LZTFL1: variants seen among roughly 807,000 people sequenced by gnomAD.
LZTFL1 encodes the protein leucine zipper transcription factor like 1.
In LZTFL1, 25 loss-of-function variants were observed where a neutral mutation model predicts 45.9. The observed-to-expected ratio is 0.54, with a 90% CI of 0.40 to 0.76. LZTFL1 has a LOEUF of 0.76. Among genes scored for constraint, LZTFL1 ranks in the 30% least tolerant of loss-of-function variants. LZTFL1 has a pLI of 0.00. For missense variants in LZTFL1, 277 were observed against 331.1 expected (o/e 0.84, Z 1.27); for synonymous variants, 93 against 117.4 (o/e 0.79, Z 1.35).
intron 2 of LZTFL1, among the ~76,000 whole-genome samples, chr3:45,872,775 T>TA (rs1701689846): frequency 2.0e-5 from 3 of 152,308 alleles, no homozygotes; most frequent in African/African-American, 7.2e-5. Flanking sequence ...GGCTGTGGTC[T>TA]CCTCTCAGGC....
At chr3:45,834,146 G>A (rs142122366) in intron 4 of LZTFL1, 92 bp downstream of exon 4, 2 of 678,774 alleles carry the variant, frequency 2.9e-6, no homozygotes, top group African/African-American at 3.6e-5. Flanking sequence ...TTCCTTAAGA[G>A]TTCTCAGTTT....
intron 1 of LZTFL1, chr3:45,841,706 G>A (rs1476547290): frequency 1.8e-6 from 1 of 567,270 alleles, no homozygotes; most frequent in Admixed American, 3.0e-5. Context: ...TGCCACCTAA[G>A]AGTTGTGCCT....
At position 45,901,938 on chromosome 3, in the gene LZTFL1, G is replaced by A; in HGVS notation, c.-215+11182C>T. On this transcript the variant is annotated intron_variant, in intron 2 of 4. Transcript: ENST00000472635. This position sits in a 1 kb window ranked among gnomAD's most constrained non-coding sequence, Gnocchi z 4.3. ...GGTGCATGGTTCTTTTGGAAGAAAT[G>A]AGAAATACAGAAACAGTTTCCCCAC... 1 of 1,501,148 alleles carries A rather than the reference G, an allele frequency of 6.7e-7. No individual in the cohort carries two copies. Among genetic ancestry groups the A allele is most frequent in the South Asian group, 1.3e-5 (1 of 75,070 alleles). The allele number at this position is 1,501,148 out of a possible 1,614,324, so 93.0% of individuals were successfully genotyped here.
At position 45,901,215 on chromosome 3, in the gene LZTFL1, G is replaced by C. The variant is rs1702544054; in HGVS notation, c.-215+11905C>G. 6.2e-7 allele frequency: 1 copy of C among 1,614,176 alleles called. No homozygotes were observed. Among genetic ancestry groups the C allele is most frequent in the Non-Finnish European group, 8.5e-7 (1 of 1,180,002 alleles). On this transcript the variant is annotated intron_variant, in intron 2 of 4. Transcript: ENST00000472635. This position sits in a 1 kb window ranked among gnomAD's most constrained non-coding sequence, Gnocchi z 4.3. ...GTTGCTGATCATGTGCATCAGCGTG[G>C]ACAGGTACATTGCCATTGCCCAGGC...
chr3:45,898,039 T>C (rs949701431), intron 2 of LZTFL1, among the ~76,000 whole-genome samples: 2 of 149,084 alleles, frequency 1.3e-5, no homozygotes, highest in African/African-American at 4.9e-5. Context: ...AAAAAAAAAC[T>C]TCAAAAGCAA....
In LZTFL1 at chr3:45,901,794, G is replaced by T. The variant is rs1702568512; in HGVS notation, c.-215+11326C>A. On this transcript the variant is annotated intron_variant, in intron 2 of 4. Transcript: ENST00000472635. This position sits in a 1 kb window ranked among gnomAD's most constrained non-coding sequence, Gnocchi z 4.3. ...TCTCGTGAAAACCCTGAAGAACTTG[G>T]GTTGCATCAGCCAGGCCCAGTGGGT... The T allele has an allele frequency of 1.2e-6, 2 of 1,614,170 alleles. No homozygotes were observed. The highest frequency in any genetic ancestry group is 1.3e-5 in the African/African-American group (1 of 75,046).
At chr3:45,833,970 TGAGTA>T (rs994771095) in intron 4 of LZTFL1, among the ~76,000 whole-genome samples, 6 of 152,338 alleles carry the variant, frequency 3.9e-5, no homozygotes, top group Non-Finnish European at 8.8e-5. Context: ...CTGAATCTTC[TGAGTA>T]GAGTATTTAT....
At chr3:45,879,025 T>C (rs879141965) in intron 2 of LZTFL1, among the ~76,000 whole-genome samples, 6 of 152,318 alleles carry the variant, frequency 3.9e-5, no homozygotes, top group African/African-American at 1.4e-4. Context: ...ATGCTGGTAA[T>C]GATATGGAGC....
Position 45,848,029 on chromosome 3 carries a change from A to G in LZTFL1, c.-49+6957T>C, listed in dbSNP as rs138761144. ...TAAAGCCAAACCTCTTTCTAAAATT[A>G]TCGACCCATCCTTTGCTGGCACTAA... is the stretch of plus-strand genomic sequence containing the variant. On this transcript the variant is annotated intron_variant, in intron 4 of 4. Transcript: ENST00000472635. 2.4e-3 allele frequency among the ~76,000 whole-genome samples: 371 copies of G among 152,358 alleles called. 3 individuals are homozygous for G. Among genetic ancestry groups the G allele is most frequent in the African/African-American group, 8.6e-3 (359 of 41,592 alleles).
At chr3:45,895,095 T>G in intron 2 of LZTFL1, 1 of 874,584 alleles carries the variant, frequency 1.1e-6, no homozygotes. Context: ...CAATGCGCAT[T>G]GCTGGGTAGG....
At chr3:45,877,555 G>A (rs186003258) in intron 2 of LZTFL1, among the ~76,000 whole-genome samples, 1 of 151,758 alleles carries the variant, frequency 6.6e-6, no homozygotes. Context: ...CCTTTTGCTG[G>A]ACACCTGCCC....
At chr3:45,887,238 A>G (rs6441931) in intron 2 of LZTFL1, among the ~76,000 whole-genome samples, 29,597 of 138,048 alleles carry the variant, frequency 0.21, 3,093 homozygotes, top group East Asian at 0.31. Flanking sequence ...CTTTCTATTA[A>G]GTGCGTGTGT....
chr3:45,911,218 AG>A (rs1381646394), intron 2 of LZTFL1, among the ~76,000 whole-genome samples: 1 of 152,172 alleles, frequency 6.6e-6, no homozygotes, highest in Non-Finnish European at 1.5e-5. Context: ...TCTTATTGGA[AG>A]GGTGTCAAAT....
chr3:45,882,526 A>G (rs1000482923), intron 2 of LZTFL1, among the ~76,000 whole-genome samples: 1 of 152,238 alleles, frequency 6.6e-6, no homozygotes, highest in South Asian at 2.1e-4. Flanking sequence ...GGGAACCTAA[A>G]AAGTAGAGGA....
At chr3:45,849,898 G>T (rs1701281393) in intron 4 of LZTFL1, among the ~76,000 whole-genome samples, 1 of 152,160 alleles carries the variant, frequency 6.6e-6, no homozygotes, top group African/African-American at 2.4e-5. Context: ...ATATAAGGCA[G>T]AAAAAATTTG....
chr3:45,887,952 A>G (rs552482875), intron 2 of LZTFL1, among the ~76,000 whole-genome samples: 1 of 152,340 alleles, frequency 6.6e-6, no homozygotes, highest in Admixed American at 6.5e-5. Flanking sequence ...AAGGACCTGC[A>G]TTCCTGACTC....
intron 4 of LZTFL1, among the ~76,000 whole-genome samples, chr3:45,850,953 G>T (rs1224105485): frequency 6.6e-6 from 1 of 152,070 alleles, no homozygotes; most frequent in Non-Finnish European, 1.5e-5. Flanking sequence ...CTGCAGAATG[G>T]CTCCACCCTA....
At chr3:45,893,036 T>C (rs1405791829) in intron 2 of LZTFL1, among the ~76,000 whole-genome samples, 2 of 152,196 alleles carry the variant, frequency 1.3e-5, no homozygotes, top group Non-Finnish European at 2.9e-5. Context: ...CTGACGTACA[T>C]ACACCCTTGC....
At chr3:45,854,172 A>AATTCT (rs1701350402) in intron 4 of LZTFL1, among the ~76,000 whole-genome samples, 1 of 152,142 alleles carries the variant, frequency 6.6e-6, no homozygotes, top group African/African-American at 2.4e-5. Context: ...ATCCCTTGAA[A>AATTCT]ATTCTCCTCA....
Sources: allele counts gnomAD v4.1 joint callset (sites outside exome capture counted in the v4.1 genomes callset), GRCh38; gene constraint gnomAD v4.1.1; non-coding constraint Gnocchi (gnomAD v3.1); transcripts MANE v1.5; gene names NCBI Gene and HGNC (gene_info 2026-07-23, HGNC 2026-07-21).